The following DCDC1 variants were observed in gnomAD, a reference collection of about 807,000 sequenced individuals.
DCDC1 encodes doublecortin domain containing 1.
A neutral mutation model predicts 178.3 loss-of-function variants in DCDC1; 200 were observed. The observed-to-expected ratio is 1.12, with a 90% CI of 1.00 to 1.26. The LOEUF is 1.26. Among genes scored for constraint, DCDC1 ranks in the 50% most tolerant of loss-of-function variants. The pLI is 0.00. For synonymous variants in DCDC1, 690 were observed against 604.8 expected, an observed-to-expected ratio of 1.14 and a Z score of -2.07; for missense variants, 1,983 against 1,749.2, an observed-to-expected ratio of 1.13 and a Z score of -2.38.
intron 21 of DCDC1, among the ~76,000 whole-genome samples, chr11:30,934,629 A>C (rs973604792): frequency 1.3e-5 from 2 of 152,154 alleles, no homozygotes; most frequent in Non-Finnish European, 2.9e-5. Context: ...GGGAAAGAGC[A>C]ATCACAGAGT....
At chr11:30,925,074 A>G (rs1172322497) in intron 23 of DCDC1, among the ~76,000 whole-genome samples, 1 of 147,302 alleles carries the variant, frequency 6.8e-6, no homozygotes, top group Non-Finnish European at 1.5e-5. Context: ...CTCCATCTCA[A>G]AAAAAAAAAA....
intron 9 of DCDC1, among the ~76,000 whole-genome samples, chr11:31,165,288 C>T (rs1433976159): frequency 6.6e-6 from 1 of 152,002 alleles, no homozygotes; most frequent in African/African-American, 2.4e-5. Context: ...TTGCATTTCT[C>T]ATATTATACA....
rs369053352 is a variant in DCDC1 at position 30,903,613 on chromosome 11, G to T, written c.4379C>A (p.Thr1460Asn). ...AASKVYTKDG[T>N]PIFTLRDLVL... ...CAAATCACGCAAGGTAAAGATTGGG[G>T]TTCCATCTTTGGTATATACTTTGGA... Residue 1460 changes from threonine (T) to asparagine (N), a missense_variant, in exon 32 of 39, where the codon ACC becomes AAC. Thr to Asn is a moderately conservative substitution (Grantham distance 65). Coordinates refer to ENST00000684477, the MANE Select transcript of DCDC1 (RefSeq NM_001387274.1). The T allele has an allele frequency of 6.2e-7, 1 of 1,611,434 alleles. No homozygotes were observed. The highest frequency in any genetic ancestry group is 8.5e-7 in the Non-Finnish European group (1 of 1,178,836).
chr11:30,939,611 G>A (rs1947502104), intron 21 of DCDC1, among the ~76,000 whole-genome samples: 1 of 152,072 alleles, frequency 6.6e-6, no homozygotes, highest in Non-Finnish European at 1.5e-5. Context: ...CCCTTGTAAG[G>A]TTATAAACCG....
At chr11:30,866,975 C>T (rs751262290) in intron 38 of DCDC1, among the ~76,000 whole-genome samples, 3 of 152,086 alleles carry the variant, frequency 2.0e-5, no homozygotes, top group Non-Finnish European at 4.4e-5. Flanking sequence ...AGTAAGAAGA[C>T]CCTCACCATA....
intron 36 of DCDC1, among the ~76,000 whole-genome samples, chr11:30,886,799 AGTTTCTATCTGGAGTG>A (rs1374124370): frequency 2.6e-5 from 4 of 151,862 alleles, no homozygotes; most frequent in Non-Finnish European, 5.9e-5. Flanking sequence ...ATGGCAGTTG[AGTTTCTATCTGGAGTG>A]GGAAAAATGA....
intron 6 of DCDC1, among the ~76,000 whole-genome samples, chr11:31,294,862 GAAA>G (rs1947569140): frequency 1.6e-5 from 2 of 124,304 alleles, no homozygotes; most frequent in African/African-American, 3.0e-5. Flanking sequence ...AAGAAAGAAA[GAAA>G]GAAAAAGAAA....
rs148474561 is a variant in DCDC1 at position 31,034,775 on chromosome 11, A to G, written c.2591+29694T>C. 9.2e-5 allele frequency among the ~76,000 whole-genome samples: 14 copies of G among 152,332 alleles called. No individual in the cohort carries two copies. In the East Asian group the frequency reaches 2.7e-3, roughly 29 times the overall value. On this transcript the variant is annotated intron_variant, in intron 20 of 38. Coordinates refer to ENST00000684477, the MANE Select transcript of DCDC1 (RefSeq NM_001387274.1). ...AATATATGGGGTCATTTAGGGACCCATGACTGTAGAAAGTTATCTTGTCAT... is the reference window on the plus strand; with the variant it reads ...AATATATGGGGTCATTTAGGGACCCGTGACTGTAGAAAGTTATCTTGTCAT...
chr11:31,109,881 A>C (rs1959088186), intron 12 of DCDC1, among the ~76,000 whole-genome samples: 1 of 152,192 alleles, frequency 6.6e-6, no homozygotes, highest in African/African-American at 2.4e-5. Flanking sequence ...GGAGAAGACC[A>C]AGGCTGCATG....
chr11:30,970,741 C>CT (rs2134677881), intron 20 of DCDC1, among the ~76,000 whole-genome samples: 1 of 152,322 alleles, frequency 6.6e-6, no homozygotes, highest in East Asian at 1.9e-4. Context: ...AGTAGCAGGG[C>CT]CACAGCACAG....
At chr11:31,250,901 C>T (rs1591541637) in intron 8 of DCDC1, among the ~76,000 whole-genome samples, 2 of 151,758 alleles carry the variant, frequency 1.3e-5, no homozygotes, top group African/African-American at 2.4e-5. Context: ...ATTACAGGTG[C>T]GTGTCACCAT....
At position 31,100,178 on chromosome 11, in the gene DCDC1, G is replaced by GA. The variant is rs978802670; in HGVS notation, c.1983+1998dup. ...CAACAGAAATCATGGAGTGCTTTCA[G>GA]AAAAAAAACAAATAACAATCTGGCT... is the stretch of plus-strand genomic sequence containing the variant. On this transcript the variant is annotated intron_variant, in intron 15 of 38. Transcript: ENST00000684477. Among the ~76,000 whole-genome samples the GA allele has an allele frequency of 4.6e-5, 7 of 151,682 alleles. No individual in the cohort carries two copies. In the East Asian group the frequency reaches 9.7e-4, roughly 21 times the overall value.
At chr11:31,084,143 A>T (rs1957346664) in intron 17 of DCDC1, among the ~76,000 whole-genome samples, 1 of 152,326 alleles carries the variant, frequency 6.6e-6, no homozygotes, top group Non-Finnish European at 1.5e-5. Context: ...TAAGATTATT[A>T]ACACCAAATG....
intron 9 of DCDC1, among the ~76,000 whole-genome samples, chr11:31,139,117 TTA>T (rs760890869): frequency 1.3e-5 from 2 of 151,682 alleles, no homozygotes; most frequent in African/African-American, 4.8e-5. Flanking sequence ...TACACACACA[TTA>T]TATATATATA....
At position 30,917,034 on chromosome 11, in the gene DCDC1, A is replaced by G; in HGVS notation, c.3294-6T>C. 2 of 1,582,164 alleles carry G rather than the reference A, an allele frequency of 1.3e-6. No homozygotes were observed. Among genetic ancestry groups the G allele is most frequent in the Non-Finnish European group, 1.7e-6 (2 of 1,168,442 alleles). On this transcript the variant is annotated splice_region_variant and splice_polypyrimidine_tract_variant and intron_variant, in intron 25 of 38. Transcript: ENST00000684477. ...GAGCTCTTACGTGTGAATCTCTATC[A>G]AGGTTCAGAAGCAAACATAAGTCTA... is the stretch of plus-strand genomic sequence containing the variant.
chr11:31,289,310 C>T (rs935877382), intron 7 of DCDC1, among the ~76,000 whole-genome samples: 3 of 152,068 alleles, frequency 2.0e-5, no homozygotes, highest in Middle Eastern at 3.4e-3. Context: ...CCAAGAGATA[C>T]GTTCATCTTC....
chr11:31,166,521 G>C (rs1207547407), intron 9 of DCDC1, among the ~76,000 whole-genome samples: 1 of 152,174 alleles, frequency 6.6e-6, no homozygotes, highest in Admixed American at 6.5e-5. Context: ...AAAGAATCAA[G>C]TGTATTACAA....
intron 38 of DCDC1, among the ~76,000 whole-genome samples, chr11:30,873,356 TATATATATAG>T (rs1941793999): frequency 7.2e-6 from 1 of 138,676 alleles, no homozygotes; most frequent in African/African-American, 2.9e-5. Flanking sequence ...TATATATATA[TATATATATAG>T]AGAGAGAGAG....
intron 20 of DCDC1, among the ~76,000 whole-genome samples, chr11:30,985,014 A>G (rs1950571714): frequency 6.6e-6 from 1 of 152,212 alleles, no homozygotes; most frequent in African/African-American, 2.4e-5. Flanking sequence ...TTTTCCACAG[A>G]GATCAGATGA....
Sources: gnomAD v4.1 joint callset for allele counts (sites outside exome capture counted in the v4.1 genomes callset) on GRCh38, gnomAD v4.1.1 for gene constraint, MANE v1.5 for transcripts, NCBI Gene and HGNC (gene_info 2026-07-23, HGNC 2026-07-21) for gene names.